Variants in KANK4 observed in about 807,000 individuals in gnomAD.
KANK4 encodes KN motif and ankyrin repeat domains 4.
A neutral mutation model predicts 80.8 loss-of-function variants in KANK4; 50 were observed. That is an observed-to-expected ratio of 0.62 (90% CI 0.49 to 0.78). The LOEUF (loss-of-function observed/expected upper bound fraction) is 0.78, where lower values mean the gene tolerates loss of function less well. Among genes scored for constraint, KANK4 ranks in the 30% least tolerant of loss-of-function variants. The pLI is 0.00. For missense variants in KANK4, 1,196 were observed against 1,240.1 expected (o/e 0.96, Z 0.53); for synonymous variants, 465 against 506.9 (o/e 0.92, Z 1.11).
chr1:62,281,731 C>T, intron 1 of KANK4, 97 bp from the exon 2 acceptor site: 1 of 805,868 alleles, frequency 1.2e-6, no homozygotes. Context: ...CCATCCCTGC[C>T]TTTCTCCCAG....
chr1:62,269,250 T>C (rs141196606), intron 4 of KANK4, among the ~76,000 whole-genome samples: 43 of 152,352 alleles, frequency 2.8e-4, no homozygotes, highest in Non-Finnish European at 5.4e-4. Flanking sequence ...GGAAGATTTA[T>C]TGACTCCTCT....
chr1:62,314,790 C>T (rs1644526633), intron 1 of KANK4, among the ~76,000 whole-genome samples: 1 of 152,058 alleles, frequency 6.6e-6, no homozygotes, highest in African/African-American at 2.4e-5. Context: ...TGTGTTTTCT[C>T]CCACAATGCC....
rs116019993 is a variant in KANK4, at chr1:62,286,951, C to T, written c.-70-5317G>A. Among the ~76,000 whole-genome samples the T allele has an allele frequency of 5.7e-3, 864 of 152,292 alleles. 5 individuals carry two copies. The highest frequency in any genetic ancestry group is 0.019 in the African/African-American group (804 of 41,554). On this transcript the variant is annotated intron_variant, in intron 1 of 9. Coordinates refer to ENST00000371153, the MANE Select transcript of KANK4 (RefSeq NM_181712.5). ...CCCAGTTCTGGCAGGAATGAAAAAG[C>T]AAGGAAGTACCTGCTGTGACGACCA...
intron 8 of KANK4, 58 bp from the exon 9 acceptor site, chr1:62,247,730 C>G (rs1373954980): frequency 1.4e-6 from 2 of 1,466,692 alleles, no homozygotes; most frequent in Non-Finnish European, 1.9e-6. Context: ...AGGACCCCCT[C>G]TCCAGCCTGG....
Position 62,247,798 on chromosome 1 carries a change from G to A in KANK4, c.2683-126C>T, listed in dbSNP as rs77817083. 4,810 of 738,150 alleles carry A rather than the reference G, an allele frequency of 6.5e-3. 153 individuals carry two copies. In the African/African-American group the frequency reaches 0.075, roughly 11 times the overall value. The allele number at this position is 738,150 out of a possible 1,614,324, so 45.7% of individuals were successfully genotyped here. On this transcript the variant is annotated intron_variant, in intron 8 of 9. Transcript: ENST00000371153. ...CCACTGATTTGAATCTCCTGCCCTT[G>A]ATATGGGACATAACCTTCTCTGCTT...
At chr1:62,242,023 T>A (rs1179121849) in intron 9 of KANK4, among the ~76,000 whole-genome samples, 1 of 152,046 alleles carries the variant, frequency 6.6e-6, no homozygotes, top group Non-Finnish European at 1.5e-5. Context: ...GGGTTAGTGT[T>A]CCTCAGATGC....
chr1:62,263,585 C>A (rs996093756), intron 6 of KANK4, among the ~76,000 whole-genome samples: 1 of 152,110 alleles, frequency 6.6e-6, no homozygotes, highest in Non-Finnish European at 1.5e-5. Context: ...TTTGAGTCTG[C>A]GGGAAGTTTA....
chr1:62,274,568 C>T lies in KANK4; in HGVS notation c.536G>A (p.Gly179Asp). Residue 179 changes from glycine (G) to aspartate (D), a missense_variant, in exon 3 of 10, where the codon GGC becomes GAC. Around this residue, in one of 3 missense-constraint regions of KANK4, gnomAD observed 1,154 missense variants for 1,179.6 expected, o/e 0.98. Coordinates refer to ENST00000371153, the MANE Select transcript of KANK4 (RefSeq NM_181712.5). ...AGGGGCAGGGGGCCCCAGGCTCAGG[C>T]CTGGCTCCTCAGAAGCCCTGCTGTG... ...LLHSRASEEP[G>D]LSLGPPAPPA... The T allele has an allele frequency of 6.2e-7, 1 of 1,614,022 alleles. No homozygotes were observed. The highest frequency in any genetic ancestry group is 8.5e-7 in the Non-Finnish European group (1 of 1,179,918).
At chr1:62,256,151 G>A (rs1249559109) in intron 7 of KANK4, among the ~76,000 whole-genome samples, 1 of 152,102 alleles carries the variant, frequency 6.6e-6, no homozygotes, top group East Asian at 1.9e-4. Flanking sequence ...TGTGGCCCAG[G>A]GAAGCCAAAG....
chr1:62,305,045 G>A (rs191467999), intron 1 of KANK4, among the ~76,000 whole-genome samples: 5 of 152,264 alleles, frequency 3.3e-5, no homozygotes, highest in African/African-American at 4.8e-5. Flanking sequence ...ATGTGAAAAC[G>A]GAAAAGGAGG....
intron 6 of KANK4, among the ~76,000 whole-genome samples, chr1:62,263,786 G>A (rs2765249): frequency 0.69 from 105,159 of 152,132 alleles, 37,373 homozygotes; most frequent in East Asian, 0.83. Context: ...TGCATGCGAA[G>A]GCAAACAACA....
At chr1:62,282,168 G>C (rs1224681894) in intron 1 of KANK4, among the ~76,000 whole-genome samples, 1 of 152,174 alleles carries the variant, frequency 6.6e-6, no homozygotes, top group Non-Finnish European at 1.5e-5. Context: ...GCTACTTAGA[G>C]GTAATTTCTA....
At position 62,311,662 on chromosome 1, in the gene KANK4, A is replaced by G. The variant is rs552346458; in HGVS notation, c.-71+7444T>C. ...AACTCCTTAACCTCTCGGGATCATC[A>G]TTGCGCGCTAGGTGGTTGTTCCAGT... On this transcript the variant is annotated intron_variant, in intron 1 of 9. Transcript: ENST00000371153. Among the ~76,000 whole-genome samples, 16 of 152,234 alleles carry G rather than the reference A, an allele frequency of 1.1e-4. No homozygotes were observed. The East Asian group carries it at 2.7e-3, about 26-fold the overall frequency.
At chr1:62,315,867 C>G (rs1175856310) in intron 1 of KANK4, among the ~76,000 whole-genome samples, 1 of 152,244 alleles carries the variant, frequency 6.6e-6, no homozygotes, top group Non-Finnish European at 1.5e-5. Flanking sequence ...TCCCTTCCCC[C>G]TGCAGAGCAG....
rs1671732252 is a variant in KANK4, at chr1:62,255,511, C to G, written c.2540-2302G>C. On this transcript the variant is annotated intron_variant, in intron 7 of 9. Transcript: ENST00000371153. The stretch of plus-strand genomic sequence containing the variant: ...GCAGCCTAAACCTCCTGGGTTCAAG[C>G]AATCCTTCCTTATGTAGCTCCTTTG... Among the ~76,000 whole-genome samples the G allele has an allele frequency of 7.9e-5, 12 of 152,024 alleles. No individual in the cohort carries two copies. In the South Asian group the frequency reaches 2.5e-3, roughly 32 times the overall value.
intron 8 of KANK4, among the ~76,000 whole-genome samples, chr1:62,250,142 C>T (rs1671578156): frequency 6.6e-6 from 1 of 151,942 alleles, no homozygotes; most frequent in African/African-American, 2.4e-5. Flanking sequence ...CGTGCATCAC[C>T]ACACCCGGCT....
At chr1:62,254,121 G>A (rs962296511) in intron 7 of KANK4, among the ~76,000 whole-genome samples, 9 of 152,100 alleles carry the variant, frequency 5.9e-5, no homozygotes, top group Non-Finnish European at 1.0e-4. Flanking sequence ...TGGGATAAAC[G>A]TGGGAAATCT....
chr1:62,248,744 C>A (rs1278504267), intron 8 of KANK4, among the ~76,000 whole-genome samples: 1 of 151,312 alleles, frequency 6.6e-6, no homozygotes, highest in Non-Finnish European at 1.5e-5. Context: ...AGGCTTTCCC[C>A]ATGTTGACCA....
In KANK4 at chr1:62,273,730, T is replaced by A; in HGVS notation, c.1374A>T (p.Pro458=). Residue 458 remains proline (P), a synonymous_variant, in exon 3 of 10, where the codon CCA becomes CCT. Transcript: ENST00000371153. ...RGEENGLLWG[P]DGHKQGNQSP... Reference sequence around the variant, plus strand: ...TCTGATTCCCTTGTTTATGACCATCTGGCCCCCATAGGAGGCCATTCTCCT... The same window carrying A: ...TCTGATTCCCTTGTTTATGACCATCAGGCCCCCATAGGAGGCCATTCTCCT... 1 of 1,614,152 alleles carries A rather than the reference T, an allele frequency of 6.2e-7. No homozygotes were observed. The highest frequency in any genetic ancestry group is 8.5e-7 in the Non-Finnish European group (1 of 1,180,018).
Sources: gnomAD v4.1 joint callset for allele counts (sites outside exome capture counted in the v4.1 genomes callset) on GRCh38, gnomAD v4.1.1 for gene constraint, gnomAD v4.1.1 regional missense constraint, MANE v1.5 for transcripts, NCBI Gene and HGNC (gene_info 2026-07-23, HGNC 2026-07-21) for gene names.